PKHD1: variants seen among roughly 807,000 people sequenced by gnomAD.
PKHD1 encodes the protein fibrocystin.
Under a neutral mutation model 412.0 loss-of-function variants are expected in PKHD1, and 291 were observed. The ratio of observed to expected loss-of-function variants is 0.71; its 90% CI spans 0.64 to 0.78. The LOEUF (loss-of-function observed/expected upper bound fraction) is 0.78. PKHD1 is among the 30% of genes least tolerant of loss of function. The probability of loss-of-function intolerance (pLI) is 0.00; values close to 1 mark genes in which losing one functional copy is unlikely to be tolerated. For missense variants in PKHD1, 4,825 were observed against 4,950.7 expected, an observed-to-expected ratio of 0.97 and a Z score of 0.76; for synonymous variants, 1,777 against 1,821.5, an observed-to-expected ratio of 0.98 and a Z score of 0.62.
intron 43 of PKHD1, among the ~76,000 whole-genome samples, chr6:51,897,683 T>G (rs1445065064): frequency 3.4e-5 from 5 of 145,642 alleles, no homozygotes; most frequent in African/African-American, 1.3e-4. Flanking sequence ...TAAATGTAAA[T>G]GGACTAAATG....
At chr6:51,919,507 T>C (rs993126524) in intron 37 of PKHD1, among the ~76,000 whole-genome samples, 11 of 152,240 alleles carry the variant, frequency 7.2e-5, no homozygotes, top group African/African-American at 2.7e-4. Flanking sequence ...TTGGTACAAG[T>C]ACCATGCTGT....
At chr6:51,805,970 G>C (rs1763700635) in intron 52 of PKHD1, among the ~76,000 whole-genome samples, 1 of 150,974 alleles carries the variant, frequency 6.6e-6, no homozygotes, top group South Asian at 2.1e-4. Context: ...TGTCTGTATA[G>C]CAGCATGATT....
chr6:51,616,496 T>C lies in PKHD1; in HGVS notation c.*2585A>G. The C allele has an allele frequency of 2.5e-6, 1 of 392,500 alleles. No individual in the cohort carries two copies. The highest frequency in any genetic ancestry group is 4.5e-6 in the Non-Finnish European group (1 of 222,612). 24.3% of individuals were successfully genotyped at this position (392,500 alleles called of 1,614,324 possible). A position where few individuals can be genotyped will look rare whatever the true frequency, so the allele number is the denominator to read the frequency against. ...GACATGAATGAACATAGAGCTGCTC[T>C]CTTTGCTTTTGGTGTTTCCCTAATT... is the stretch of plus-strand genomic sequence containing the variant. On this transcript the variant is annotated 3_prime_UTR_variant, in exon 67 of 67. Transcript: ENST00000371117.
chr6:51,696,553 T>A (rs1778823298), intron 60 of PKHD1, among the ~76,000 whole-genome samples: 1 of 152,224 alleles, frequency 6.6e-6, no homozygotes, highest in Non-Finnish European at 1.5e-5. Context: ...GCTCCAGAAC[T>A]CTTACCCTAC....
chr6:52,056,895 G>A lies in PKHD1; in HGVS notation c.1597C>T (p.His533Tyr), dbSNP rs1366308806. Residue 533 changes from histidine to tyrosine, a missense_variant, in exon 17 of 67, where the codon CAT (histidine) becomes TAT (tyrosine). Physicochemically the swap from His to Tyr is moderately conservative, Grantham distance 83. Transcript: ENST00000371117. ...SQPIPANATA[H>Y]LIQTTIEELL... ...TTTTTGAAGAAGTCTCCCACCAGAT[G>A]GGCTGTGGCATTTGCAGGGATTGGC... is the stretch of plus-strand genomic sequence containing the variant. 6.2e-7 allele frequency: 1 copy of A among 1,612,086 alleles called. No homozygotes were observed. Among genetic ancestry groups the A allele is most frequent in the Non-Finnish European group, 8.5e-7 (1 of 1,178,220 alleles).
chr6:51,756,977 T>C (rs1582493220), intron 55 of PKHD1, among the ~76,000 whole-genome samples: 1 of 152,052 alleles, frequency 6.6e-6, no homozygotes, highest in Admixed American at 6.6e-5. Flanking sequence ...GCAACCTAGA[T>C]CCCTCACATA....
At chr6:51,719,584 T>C (rs146822134) in intron 60 of PKHD1, among the ~76,000 whole-genome samples, 89 of 152,078 alleles carry the variant, frequency 5.9e-4, no homozygotes, top group Non-Finnish European at 1.0e-3. Flanking sequence ...TCTCCCCACA[T>C]TGAGAAACAC....
intron 54 of PKHD1, 82 bp from the exon 55 acceptor site, chr6:51,772,871 C>G: frequency 1.2e-6 from 1 of 801,094 alleles, no homozygotes; most frequent in East Asian, 2.4e-5. Context: ...ATTCCAGAGG[C>G]TGTTGTGCAA....
At chr6:51,849,523 C>T (rs552746475) in intron 49 of PKHD1, among the ~76,000 whole-genome samples, 33 of 152,260 alleles carry the variant, frequency 2.2e-4, no homozygotes, top group African/African-American at 6.5e-4. Context: ...AGTGTAAAAG[C>T]GTTCCTGTTT....
chr6:51,749,666 T>TA (rs1315631714), intron 57 of PKHD1, among the ~76,000 whole-genome samples: 2 of 152,188 alleles, frequency 1.3e-5, no homozygotes, highest in Non-Finnish European at 2.9e-5. Context: ...ATCCCCATTT[T>TA]ACAGATAAGG....
At chr6:51,627,741 C>T (rs533135714) in intron 65 of PKHD1, among the ~76,000 whole-genome samples, 23 of 152,124 alleles carry the variant, frequency 1.5e-4, no homozygotes, top group Admixed American at 1.3e-3. Context: ...GAATTGAGAC[C>T]GGTACAAGCC....
chr6:51,869,256 A>T (rs1156772304), intron 47 of PKHD1, among the ~76,000 whole-genome samples: 1 of 152,100 alleles, frequency 6.6e-6, no homozygotes. Context: ...TTGTGTGTAT[A>T]CTGTTCCTAG....
chr6:52,023,056 C>T, intron 32 of PKHD1, 112 bp from the exon 33 acceptor site: 1 of 1,248,840 alleles, frequency 8.0e-7, no homozygotes, highest in South Asian at 1.3e-5. Context: ...TTCACATCCT[C>T]AGAATCCGCA....
Position 51,632,639 on chromosome 6 carries a change from G to A in PKHD1, c.11591C>T (p.Ser3864Phe). ...CAGCCATGAGGCCACAGAGGACAGGGAAGCAGCCAGGATGATGGTCGACTT... is the reference window on the plus strand; with the variant it reads ...CAGCCATGAGGCCACAGAGGACAGGAAAGCAGCCAGGATGATGGTCGACTT... ...KEKSTIILAASLSSVASWLAL... is the reference protein window; with the variant it reads ...KEKSTIILAAFLSSVASWLAL... The change falls in exon 65 of 67, where the codon TCC (serine) becomes TTC (phenylalanine). Residue 3864 changes from serine (S) to phenylalanine (F), a missense_variant. Physicochemically the swap from Ser to Phe is radical, Grantham distance 155. Coordinates refer to ENST00000371117, the MANE Select transcript of PKHD1 (RefSeq NM_138694.4). 1.9e-6 allele frequency: 3 copies of A among 1,613,478 alleles called. No homozygotes were observed. The highest frequency in any genetic ancestry group is 2.5e-6 in the Non-Finnish European group (3 of 1,179,608).
intron 14 of PKHD1, among the ~76,000 whole-genome samples, chr6:52,060,372 A>G (rs1808496465): frequency 6.6e-6 from 1 of 152,188 alleles, no homozygotes; most frequent in Non-Finnish European, 1.5e-5. Context: ...GTAGAAGCTC[A>G]ATCTATAGTA....
At chr6:51,657,573 T>A (rs577255638) in intron 61 of PKHD1, among the ~76,000 whole-genome samples, 57 of 152,302 alleles carry the variant, frequency 3.7e-4, no homozygotes, top group African/African-American at 1.3e-3. Flanking sequence ...TTTGAACTGT[T>A]TCTTATTAAA....
intron 60 of PKHD1, among the ~76,000 whole-genome samples, chr6:51,696,065 A>G (rs1454548232): frequency 6.6e-6 from 1 of 152,232 alleles, no homozygotes; most frequent in Non-Finnish European, 1.5e-5. Flanking sequence ...TGTAATAAAA[A>G]CTTCTTCTAA....
At chr6:51,888,346 G>T (rs963052838) in intron 43 of PKHD1, among the ~76,000 whole-genome samples, 6 of 152,074 alleles carry the variant, frequency 3.9e-5, no homozygotes, top group African/African-American at 1.2e-4. Context: ...ACACAATGAG[G>T]TTATCTTTAT....
At position 51,632,525 on chromosome 6, in the gene PKHD1, T is replaced by C. The variant is rs893372523; in HGVS notation, c.11665+40A>G. 3.2e-6 allele frequency: 5 copies of C among 1,557,006 alleles called. No homozygotes were observed. In the Admixed American group the frequency reaches 6.8e-5, roughly 21 times the overall value. On this transcript the variant is annotated intron_variant, in intron 65 of 66. Transcript: ENST00000371117. Reference sequence around the variant, plus strand: ...TATGTTATGTATGATGACTTTTTTTTCAGAAATTTTCATTCCAAAATAAAA... The same window carrying C: ...TATGTTATGTATGATGACTTTTTTTCCAGAAATTTTCATTCCAAAATAAAA...
Sources: gnomAD v4.1 joint callset for allele counts (sites outside exome capture counted in the v4.1 genomes callset) on GRCh38, gnomAD v4.1.1 for gene constraint, MANE v1.5 for transcripts, NCBI Gene and HGNC (gene_info 2026-07-23, HGNC 2026-07-21) for gene names.